SPECC1: variants seen among roughly 807,000 people sequenced by gnomAD.
SPECC1 encodes the protein sperm antigen with calponin homology and coiled-coil domains 1, also known as cytospin-B.
Under a neutral mutation model 104.1 loss-of-function variants are expected in SPECC1, and 62 were observed. The ratio of observed to expected loss-of-function variants is 0.60; its 90% CI spans 0.49 to 0.74. SPECC1 has a LOEUF of 0.74. SPECC1 is among the 30% of genes least tolerant of loss of function. The pLI is 0.00. For synonymous variants in SPECC1, 513 were observed against 501.6 expected, an observed-to-expected ratio of 1.02 and a Z score of -0.30; for missense variants, 1,306 against 1,310.5, an observed-to-expected ratio of 1.00 and a Z score of 0.05.
chr17:20,097,467 G>C (rs555932665), intron 2 of SPECC1, among the ~76,000 whole-genome samples: 2 of 152,334 alleles, frequency 1.3e-5, no homozygotes, highest in East Asian at 3.9e-4. Context: ...CTGCACAGCT[G>C]TGCTAAAGGC....
chr17:20,107,202 T>C (rs1164056552), intron 2 of SPECC1, among the ~76,000 whole-genome samples: 4 of 149,726 alleles, frequency 2.7e-5, no homozygotes, highest in South Asian at 2.1e-4. Flanking sequence ...GTGATTATGC[T>C]GACATCTAGT....
chr17:20,118,155 T>G (rs1326108665), intron 3 of SPECC1, among the ~76,000 whole-genome samples: 1 of 152,006 alleles, frequency 6.6e-6, no homozygotes, highest in East Asian at 2.0e-4. Flanking sequence ...AACAATTAGA[T>G]ATATAATTTC....
intron 4 of SPECC1, among the ~76,000 whole-genome samples, chr17:20,222,746 A>G (rs887592171): frequency 6.6e-6 from 1 of 152,076 alleles, no homozygotes; most frequent in South Asian, 2.1e-4. Flanking sequence ...TTTGTTTGTT[A>G]ATGTCCTTTT....
At chr17:20,238,717 A>G (rs2039055402) in intron 7 of SPECC1, 2 of 1,041,500 alleles carry the variant, frequency 1.9e-6, no homozygotes, top group Non-Finnish European at 2.3e-6. Context: ...TCTTAGGATT[A>G]TTTAAAATTC....
chr17:20,054,971 T>A (rs1160182493), intron 1 of SPECC1, among the ~76,000 whole-genome samples: 1 of 152,242 alleles, frequency 6.6e-6, no homozygotes, highest in Admixed American at 6.5e-5. Flanking sequence ...CCTTAACAAA[T>A]TTTTAAGTGT....
At chr17:20,238,503 C>T (rs931029801) in intron 7 of SPECC1, 3 of 1,041,692 alleles carry the variant, frequency 2.9e-6, no homozygotes, top group Non-Finnish European at 3.5e-6. Flanking sequence ...AAGTTACTGT[C>T]TAATAAAAGG....
chr17:20,237,724 G>C (rs1055638937), intron 7 of SPECC1: 1 of 194,744 alleles, frequency 5.1e-6, no homozygotes, highest in African/African-American at 2.3e-5. Context: ...AGCCATCTGC[G>C]TGATGTCACA....
At chr17:20,093,736 T>TTTG (rs2047514008) in intron 1 of SPECC1, among the ~76,000 whole-genome samples, 1 of 102,302 alleles carries the variant, frequency 9.8e-6, no homozygotes, top group African/African-American at 3.6e-5. Flanking sequence ...GTTTTTTGTT[T>TTTG]TTTTTTTTTT....
Position 20,278,846 on chromosome 17 carries a change from G to A in SPECC1, c.2941-18115G>A, listed in dbSNP as rs544268436. Among the ~76,000 whole-genome samples the A allele has an allele frequency of 2.0e-5, 3 of 152,192 alleles. No individual in the cohort carries two copies. In the South Asian group the frequency reaches 6.2e-4, roughly 32 times the overall value. On this transcript the variant is annotated intron_variant, in intron 12 of 14. Transcript: ENST00000395527. ...AAAATTTTTTATATAAATGTTAGAT[G>A]TTTTGCCAGCTTCAGGAAGGAAAAA...
intron 4 of SPECC1, among the ~76,000 whole-genome samples, chr17:20,220,795 T>TA (rs770990161): frequency 1.9e-4 from 29 of 152,170 alleles, no homozygotes; most frequent in Non-Finnish European, 3.1e-4. Context: ...TCTCCATTCA[T>TA]ATGATACTAG....
At chr17:20,102,466 T>C (rs755478691) in intron 2 of SPECC1, among the ~76,000 whole-genome samples, 3 of 152,160 alleles carry the variant, frequency 2.0e-5, no homozygotes, top group Admixed American at 6.5e-5. Context: ...ATCATACTTA[T>C]CCTGTTGTCT....
chr17:20,270,579 A>G (rs181306878), intron 12 of SPECC1, among the ~76,000 whole-genome samples: 4 of 150,956 alleles, frequency 2.6e-5, no homozygotes, highest in Admixed American at 2.6e-4. Context: ...TGATCACACC[A>G]CTGCACTCCA....
intron 7 of SPECC1, among the ~76,000 whole-genome samples, chr17:20,234,968 G>A (rs1436599682): frequency 6.6e-6 from 1 of 152,258 alleles, no homozygotes; most frequent in East Asian, 1.9e-4. Flanking sequence ...GGGGAAGGAA[G>A]GCGGTAGCCT....
chr17:20,224,424 C>T (rs2038085692), intron 4 of SPECC1, among the ~76,000 whole-genome samples: 1 of 152,232 alleles, frequency 6.6e-6, no homozygotes, highest in Non-Finnish European at 1.5e-5. Context: ...GTATCTTTCC[C>T]TTCAGGGTGA....
intron 13 of SPECC1, among the ~76,000 whole-genome samples, chr17:20,299,555 C>CCAAAAAA (rs1374470438): frequency 2.5e-5 from 1 of 40,368 alleles, no homozygotes; most frequent in African/African-American, 8.0e-5. Context: ...GACCCTGTCT[C>CCAAAAAA]AAAAAAAAAA....
At chr17:20,110,801 T>A (rs2048452634) in intron 3 of SPECC1, among the ~76,000 whole-genome samples, 2 of 152,098 alleles carry the variant, frequency 1.3e-5, no homozygotes, top group South Asian at 4.1e-4. Flanking sequence ...TTTGGTCCCT[T>A]CGGAGGTCCA....
chr17:20,314,957 CTG>C lies in SPECC1; in HGVS notation c.*897_*898del. On this transcript the variant is annotated 3_prime_UTR_variant, in exon 15 of 15. Transcript: ENST00000395527. ...TGCCCCACACCTCTGCCACCAAAGT[CTG>C]TGTGCTCCTGAGCAGCTCGCGGCTT... 1 of 232,714 alleles carries C rather than the reference CTG, an allele frequency of 4.3e-6. No homozygotes were observed. Among genetic ancestry groups the C allele is most frequent in the Non-Finnish European group, 8.5e-6 (1 of 117,660 alleles). 14.4% of individuals were successfully genotyped at this position (232,714 alleles called of 1,614,324 possible).
intron 1 of SPECC1, among the ~76,000 whole-genome samples, chr17:20,088,555 G>C (rs958036711): frequency 3.3e-5 from 5 of 152,172 alleles, no homozygotes; most frequent in Non-Finnish European, 5.9e-5. Flanking sequence ...AGAAAGTCTT[G>C]ATTGGCATAA....
At chr17:20,058,909 GGCTTACCTCA>G in intron 1 of SPECC1, among the ~76,000 whole-genome samples, 1 of 144,448 alleles carries the variant, frequency 6.9e-6, no homozygotes. Context: ...GCGTGATCTC[GGCTTACCTCA>G]AGCTCTGCCT....
Sources: gnomAD v4.1 joint callset for allele counts (sites outside exome capture counted in the v4.1 genomes callset) on GRCh38, gnomAD v4.1.1 for gene constraint, MANE v1.5 for transcripts, NCBI Gene and HGNC (gene_info 2026-07-23, HGNC 2026-07-21) for gene names.